The following CENPX variants were observed in gnomAD, a reference collection of about 807,000 sequenced individuals.
The protein encoded by CENPX is centromere protein X.
In CENPX, 13 loss-of-function variants were observed where a neutral mutation model predicts 13.2. The observed-to-expected ratio is 0.98, with a 90% CI of 0.64 to 1.56. The LOEUF is 1.56. Among genes scored for constraint, CENPX ranks in the 40% most tolerant of loss-of-function variants. The pLI is 0.00. For missense variants in CENPX, 138 were observed against 107.5 expected, an observed-to-expected ratio of 1.28 and a Z score of -1.26; for synonymous variants, 66 against 47.2, an observed-to-expected ratio of 1.40 and a Z score of -1.63.
In CENPX at chr17:82,018,893, C is replaced by T. The variant is rs1461338648; in HGVS notation, c.*312G>A. ...GTCAAACACACAGGCTACCTGCTGG[C>T]CAGGCCTTTCCCAGCACCTGCCTGT... On this transcript the variant is annotated 3_prime_UTR_variant, in exon 5 of 5. Transcript: ENST00000392359. 1 of 383,846 alleles carries T rather than the reference C, an allele frequency of 2.6e-6. No individual in the cohort carries two copies. The allele number at this position is 383,846 out of a possible 1,614,324, so 23.8% of individuals were successfully genotyped here. A position where few individuals can be genotyped will look rare whatever the true frequency, so the allele number is the denominator to read the frequency against.
intron 2 of CENPX, 23 bp from the exon 3 acceptor site, chr17:82,019,717 G>A: frequency 1.3e-6 from 2 of 1,550,258 alleles, no homozygotes; most frequent in Non-Finnish European, 1.7e-6. Flanking sequence ...GGGAGGTTAT[G>A]CGGGACCCTC....
In CENPX at chr17:82,019,122, T is replaced by C. The variant is rs2043223450; in HGVS notation, c.*83A>G. On this transcript the variant is annotated 3_prime_UTR_variant, in exon 5 of 5. Transcript: ENST00000392359. ...ATCCTTCAGGTCCTTCCCTGCCTCT[T>C]ATCAGAGGCCGCTGGAAACACAAGG... 6.8e-7 allele frequency: 1 copy of C among 1,476,922 alleles called. No individual in the cohort carries two copies. The highest frequency in any genetic ancestry group is 1.4e-5 in the African/African-American group (1 of 71,220). The allele number at this position is 1,476,922 out of a possible 1,614,324, so 91.5% of individuals were successfully genotyped here.
At chr17:82,019,404 T>G (rs2043233958) in intron 3 of CENPX, 23 bp from the exon 4 acceptor site, 1 of 1,533,246 alleles carries the variant, frequency 6.5e-7, no homozygotes, top group Non-Finnish European at 8.8e-7. Flanking sequence ...ACGCGAGAGG[T>G]GGGGGATGCT....
At position 82,019,380 on chromosome 17, in the gene CENPX, T is replaced by C. The variant is rs1211072670; in HGVS notation, c.144A>G (p.Glu48=). ...MVELLKVFVV[E]AAVRGVRQAQ... Reference sequence around the variant, plus strand: ...CCTGCCGCACGCCGCGGACTGCTGCTTCTGCGGTGAGAAACGCGAGAGGTG... The same window carrying C: ...CCTGCCGCACGCCGCGGACTGCTGCCTCTGCGGTGAGAAACGCGAGAGGTG... Residue 48 remains glutamate, a splice_region_variant and synonymous_variant, in exon 4 of 5, where the codon GAA becomes GAG. Coordinates refer to ENST00000392359, the MANE Select transcript of CENPX (RefSeq NM_001271006.2). 1.9e-6 allele frequency: 3 copies of C among 1,548,362 alleles called. No homozygotes were observed. The highest frequency in any genetic ancestry group is 2.6e-6 in the Non-Finnish European group (3 of 1,148,702).
intron 1 of CENPX, 116 bp downstream of exon 1, chr17:82,022,710 C>G: frequency 7.8e-7 from 1 of 1,276,092 alleles, no homozygotes; most frequent in Non-Finnish European, 1.1e-6. Flanking sequence ...GAGAACGGGC[C>G]CAACCTCAAA....
In CENPX at chr17:82,019,894, G is replaced by A; in HGVS notation, c.52C>T (p.Leu18=). 1 of 1,597,724 alleles carries A rather than the reference G, an allele frequency of 6.3e-7. No homozygotes were observed. The highest frequency in any genetic ancestry group is 8.6e-7 in the Non-Finnish European group (1 of 1,169,356). The change falls in exon 2 of 5, where the codon CTG becomes TTG. Residue 18 remains leucine (L), a synonymous_variant. Coordinates refer to ENST00000392359, the MANE Select transcript of CENPX (RefSeq NM_001271006.2). ...TCATCCTTGAAGTGCAGGTGCAGCA[G>A]CCTGCTCACCAGCTCCTAGAAGGGA... ...SGFRKELVSR[L]LHLHFKDDKT...
rs866588895 is a variant in CENPX at position 82,022,790 on chromosome 17, T to C, written c.36+36A>G. 3.2e-6 allele frequency: 5 copies of C among 1,556,912 alleles called. No individual in the cohort carries two copies. The Admixed American group carries it at 5.7e-5, about 18-fold the overall frequency. On this transcript the variant is annotated intron_variant, in intron 1 of 4. Transcript: ENST00000392359. ...TCACGCGTGAGGTCGGGACGGAGCG[T>C]CCGCGCCTGCCTAGCCCCTGCCCTC...
Position 82,022,763 on chromosome 17 carries a change from T to G in CENPX, c.36+63A>C, listed in dbSNP as rs1036753435. The G allele has an allele frequency of 2.0e-6, 3 of 1,514,500 alleles. No individual in the cohort carries two copies. The East Asian group carries it at 7.4e-5, about 37-fold the overall frequency. 93.8% of individuals were successfully genotyped at this position (1,514,500 alleles called of 1,614,324 possible). On this transcript the variant is annotated intron_variant, in intron 1 of 4. Coordinates refer to ENST00000392359, the MANE Select transcript of CENPX (RefSeq NM_001271006.2). Reference sequence around the variant, plus strand: ...GGGGGCTGGCGTCTGGCCCTCACAGTGTCACGCGTGAGGTCGGGACGGAGC... The same window carrying G: ...GGGGGCTGGCGTCTGGCCCTCACAGGGTCACGCGTGAGGTCGGGACGGAGC...
At position 82,019,923 on chromosome 17, in the gene CENPX, G is replaced by A. The variant is rs770656887; in HGVS notation, c.37-14C>T. 1 of 1,577,926 alleles carries A rather than the reference G, an allele frequency of 6.3e-7. No individual in the cohort carries two copies. The highest frequency in any genetic ancestry group is 1.3e-5 in the African/African-American group (1 of 74,348). ...GCTCACCAGCTCCTAGAAGGGAGGG[G>A]GGTGTCAGCGCCACGCCCCGCCCTC... On this transcript the variant is annotated splice_polypyrimidine_tract_variant and intron_variant, in intron 1 of 4. Transcript: ENST00000392359.
In CENPX at chr17:82,019,840, C is replaced by T. The variant is rs747726375; in HGVS notation, c.88+18G>A. 1.9e-6 allele frequency: 3 copies of T among 1,592,848 alleles called. No individual in the cohort carries two copies. The highest frequency in any genetic ancestry group is 2.6e-6 in the Non-Finnish European group (3 of 1,165,454). On this transcript the variant is annotated intron_variant, in intron 2 of 4. Transcript: ENST00000392359. ...ACAGACACGGGGACCCACCTCCCGC[C>T]CGCACCCCCACCCGCACCTTTGGTC...
chr17:82,019,170 T>G lies in CENPX; in HGVS notation c.*35A>C, dbSNP rs928378051. On this transcript the variant is annotated 3_prime_UTR_variant, in exon 5 of 5. Coordinates refer to ENST00000392359, the MANE Select transcript of CENPX (RefSeq NM_001271006.2). ...AGGCCTGCTTCTGTGGACCAGGGGC[T>G]CCTCTGGGGGTGGCCTCAGCCACGG... is the stretch of plus-strand genomic sequence containing the variant. The G allele has an allele frequency of 3.7e-5, 57 of 1,525,646 alleles. No individual in the cohort carries two copies. The highest frequency in any genetic ancestry group is 4.6e-5 in the Non-Finnish European group (52 of 1,134,786). 94.5% of individuals were successfully genotyped at this position (1,525,646 alleles called of 1,614,324 possible).
intron 3 of CENPX, 125 bp from the exon 4 acceptor site, chr17:82,019,506 G>A: frequency 2.0e-6 from 3 of 1,521,670 alleles, no homozygotes; most frequent in Non-Finnish European, 2.6e-6. Flanking sequence ...CCAGGCCACA[G>A]CACCTGACAA....
At chr17:82,021,541 G>T (rs2043282399) in intron 1 of CENPX, among the ~76,000 whole-genome samples, 1 of 152,216 alleles carries the variant, frequency 6.6e-6, no homozygotes, top group South Asian at 2.1e-4. Flanking sequence ...GCACTGGGGC[G>T]GTTGTGGAGG....
chr17:82,019,160 G>A lies in CENPX; in HGVS notation c.*45C>T. 1 of 1,518,446 alleles carries A rather than the reference G, an allele frequency of 6.6e-7. No individual in the cohort carries two copies. The highest frequency in any genetic ancestry group is 8.8e-7 in the Non-Finnish European group (1 of 1,131,994). 94.1% of individuals were successfully genotyped at this position (1,518,446 alleles called of 1,614,324 possible). Reference sequence around the variant, plus strand: ...TGGAAACACAAGGCCTGCTTCTGTGGACCAGGGGCTCCTCTGGGGGTGGCC... The same window carrying A: ...TGGAAACACAAGGCCTGCTTCTGTGAACCAGGGGCTCCTCTGGGGGTGGCC... On this transcript the variant is annotated 3_prime_UTR_variant, in exon 5 of 5. Transcript: ENST00000392359.
At chr17:82,022,730 G>T in intron 1 of CENPX, 96 bp downstream of exon 1, 1 of 1,415,694 alleles carries the variant, frequency 7.1e-7, no homozygotes, top group Non-Finnish European at 9.6e-7. Context: ...AGGCACAGGG[G>T]GCGGCGCGGG....
intron 1 of CENPX, among the ~76,000 whole-genome samples, chr17:82,020,157 G>A (rs530984320): frequency 2.6e-5 from 4 of 152,328 alleles, no homozygotes; most frequent in African/African-American, 9.6e-5. Context: ...GCCTCCCTAC[G>A]GCGTGAGTGG....
chr17:82,019,021 G>T lies in CENPX; in HGVS notation c.*184C>A. 1 of 852,010 alleles carries T rather than the reference G, an allele frequency of 1.2e-6. No individual in the cohort carries two copies. The allele number at this position is 852,010 out of a possible 1,614,324, so 52.8% of individuals were successfully genotyped here. ...CAGTGTCCCCACTGGACACTCCAAG[G>T]CCCGCAGTGCACTGCAGTCCTGCCC... On this transcript the variant is annotated 3_prime_UTR_variant, in exon 5 of 5. Transcript: ENST00000392359.
At chr17:82,020,362 G>A (rs2043260202) in intron 1 of CENPX, among the ~76,000 whole-genome samples, 1 of 152,226 alleles carries the variant, frequency 6.6e-6, no homozygotes, top group Non-Finnish European at 1.5e-5. Context: ...AGGTGGGCTG[G>A]CCTGAGGGAG....
chr17:82,020,519 G>A (rs2043262438), intron 1 of CENPX, among the ~76,000 whole-genome samples: 1 of 152,212 alleles, frequency 6.6e-6, no homozygotes, highest in Non-Finnish European at 1.5e-5. Context: ...TCCACAGGCT[G>A]GAGTGAGGGG....
Sources: gnomAD v4.1 joint callset for allele counts (sites outside exome capture counted in the v4.1 genomes callset) on GRCh38, gnomAD v4.1.1 for gene constraint, MANE v1.5 for transcripts, NCBI Gene and HGNC (gene_info 2026-07-23, HGNC 2026-07-21) for gene names.